Variants in ARHGAP19 observed in about 807,000 individuals in gnomAD.
ARHGAP19 encodes Rho GTPase activating protein 19.
In ARHGAP19, 48 loss-of-function variants were observed where a neutral mutation model predicts 60.9. That is an observed-to-expected ratio of 0.79 (90% confidence interval 0.62 to 1.00). The LOEUF is 1.00. ARHGAP19 is among the 50% of genes least tolerant of loss of function. The pLI is 0.00. For missense variants in ARHGAP19, 562 were observed against 597.2 expected (o/e 0.94, Z 0.61); for synonymous variants, 209 against 215.5 (o/e 0.97, Z 0.27).
chr10:97,238,025 C>G (rs1463331991), intron 8 of ARHGAP19, among the ~76,000 whole-genome samples: 2 of 151,970 alleles, frequency 1.3e-5, no homozygotes, highest in Non-Finnish European at 2.9e-5. Flanking sequence ...AAAACAGCCT[C>G]AGGCAAGTCT....
chr10:97,289,923 G>A (rs1328800793), intron 1 of ARHGAP19, among the ~76,000 whole-genome samples: 2 of 151,754 alleles, frequency 1.3e-5, no homozygotes, highest in Non-Finnish European at 2.9e-5. Flanking sequence ...AACTACTCTT[G>A]CTATGGAATA....
rs892863390 is a variant in ARHGAP19 at position 97,235,323 on chromosome 10, A to G, written c.1186-8T>C. 1.3e-6 allele frequency: 2 copies of G among 1,587,534 alleles called. No homozygotes were observed. The highest frequency in any genetic ancestry group is 2.7e-5 in the African/African-American group (2 of 74,304). On this transcript the variant is annotated splice_region_variant and splice_polypyrimidine_tract_variant and intron_variant, in intron 8 of 11. Coordinates refer to ENST00000358531, the MANE Select transcript of ARHGAP19 (RefSeq NM_032900.6). ...CAATGATTGCTTATTAAACTAAAAGAAAACATGGAGAACATTTTATAAATA... is the reference window on the plus strand; with the variant it reads ...CAATGATTGCTTATTAAACTAAAAGGAAACATGGAGAACATTTTATAAATA...
chr10:97,260,973 T>C (rs2134880658), intron 4 of ARHGAP19, among the ~76,000 whole-genome samples: 1 of 151,612 alleles, frequency 6.6e-6, no homozygotes, highest in Non-Finnish European at 1.5e-5. Context: ...CACATGCCTT[T>C]GATAATGCTA....
intron 9 of ARHGAP19, among the ~76,000 whole-genome samples, chr10:97,233,599 G>A (rs1310474470): frequency 6.6e-6 from 1 of 152,304 alleles, no homozygotes; most frequent in East Asian, 1.9e-4. Flanking sequence ...CGGGTGCAGT[G>A]GCTCATGCCT....
In ARHGAP19 at chr10:97,252,967, C is replaced by T. The variant is rs573505960; in HGVS notation, c.927+3351G>A. On this transcript the variant is annotated intron_variant, in intron 6 of 11. Transcript: ENST00000358531. ...GTATATACACAATGGAATACTATTCCGCCATAAAAAAAGAATGAAATCCTG... is the reference window on the plus strand; with the variant it reads ...GTATATACACAATGGAATACTATTCTGCCATAAAAAAAGAATGAAATCCTG... 2.7e-4 allele frequency among the ~76,000 whole-genome samples: 41 copies of T among 152,038 alleles called. 1 individual carries two copies. The highest frequency in any genetic ancestry group is 2.1e-3 in the South Asian group (10 of 4,812).
intron 4 of ARHGAP19, among the ~76,000 whole-genome samples, chr10:97,262,297 C>T (rs1842841096): frequency 6.6e-6 from 1 of 151,658 alleles, no homozygotes; most frequent in Non-Finnish European, 1.5e-5. Context: ...AAGGTTTTTA[C>T]TGTATATTAT....
chr10:97,227,375 G>A (rs992786846), intron 11 of ARHGAP19, among the ~76,000 whole-genome samples: 33 of 152,266 alleles, frequency 2.2e-4, no homozygotes, highest in Non-Finnish European at 4.1e-4. Context: ...ATCATACAGA[G>A]AGCAGAGCTG....
chr10:97,229,913 T>G, intron 9 of ARHGAP19, 39 bp from the exon 10 acceptor site: 1 of 1,393,896 alleles, frequency 7.2e-7, no homozygotes, highest in Admixed American at 1.8e-5. Flanking sequence ...TATAAACACC[T>G]ACTGCATCTA....
Position 97,259,502 on chromosome 10 carries a change from A to C in ARHGAP19, c.740T>G (p.Leu247Arg). The C allele has an allele frequency of 6.2e-7, 1 of 1,614,214 alleles. No individual in the cohort carries two copies. The highest frequency in any genetic ancestry group is 8.5e-7 in the Non-Finnish European group (1 of 1,180,030). ...CTTTGCTGTCTGGTATAGGAGATCA[A>C]GCAATAACTTCAGCAAATTACGATT... The part of the protein sequence containing the change: ...PPNRNLLKLL[L>R]DLLYQTAKKQ... Residue 247 changes from leucine (L) to arginine (R), a missense_variant, in exon 5 of 12, where the codon CTT (leucine) becomes CGT (arginine). Coordinates refer to ENST00000358531, the MANE Select transcript of ARHGAP19 (RefSeq NM_032900.6).
chr10:97,226,114 T>C lies in ARHGAP19; in HGVS notation c.*8A>G. 1 of 1,613,906 alleles carries C rather than the reference T, an allele frequency of 6.2e-7. No individual in the cohort carries two copies. On this transcript the variant is annotated 3_prime_UTR_variant, in exon 12 of 12. Transcript: ENST00000358531. ...CTGCATGGACCATAGGAGACAACTCTGGATCCTTCAGAGAAATCCTAGGTT... is the reference window on the plus strand; with the variant it reads ...CTGCATGGACCATAGGAGACAACTCCGGATCCTTCAGAGAAATCCTAGGTT...
intron 6 of ARHGAP19, among the ~76,000 whole-genome samples, chr10:97,251,267 AATGGG>A: frequency 3.5e-5 from 1 of 28,336 alleles, no homozygotes; most frequent in South Asian, 2.3e-3. Context: ...AGGGGAAGGG[AATGGG>A]AAGGGAAGGG....
rs185402825 is a variant in ARHGAP19, at chr10:97,290,973, A to C, written c.56+1599T>G. On this transcript the variant is annotated intron_variant, in intron 1 of 11. Transcript: ENST00000358531. ...AGGACTAGCTGGATTTCCTAGGCCAACTAAGAATCCCTGAGCCTAGCTGGG... is the reference window on the plus strand; with the variant it reads ...AGGACTAGCTGGATTTCCTAGGCCACCTAAGAATCCCTGAGCCTAGCTGGG... Among the ~76,000 whole-genome samples the C allele has an allele frequency of 1.3e-3, 205 of 152,234 alleles. 1 individual carries two copies. Among genetic ancestry groups the C allele is most frequent in the African/African-American group, 4.7e-3 (197 of 41,544 alleles).
rs367997995 is a variant in ARHGAP19 at position 97,237,263 on chromosome 10, C to CAAA, written c.1186-1951_1186-1949dup. Among the ~76,000 whole-genome samples the CAAA allele has an allele frequency of 2.3e-3, 273 of 118,950 alleles. 2 individuals carry two copies. The highest frequency in any genetic ancestry group is 7.5e-3 in the African/African-American group (229 of 30,454). 78.0% of individuals were successfully genotyped at this position (118,950 alleles called of 152,430 possible). A position where few individuals can be genotyped will look rare whatever the true frequency, so the allele number is the denominator to read the frequency against. On this transcript the variant is annotated intron_variant, in intron 8 of 11. Coordinates refer to ENST00000358531, the MANE Select transcript of ARHGAP19 (RefSeq NM_032900.6). ...TAGGCAACAGAGCTAGACCTTGTCT[C>CAAA]AAAAAAAAAAAAAAAAAAACTCAGT...
At chr10:97,232,983 A>G (rs987089274) in intron 9 of ARHGAP19, among the ~76,000 whole-genome samples, 10 of 152,030 alleles carry the variant, frequency 6.6e-5, no homozygotes, top group Non-Finnish European at 1.5e-4. Flanking sequence ...CCCCATCTCT[A>G]CTAAAAATAC....
chr10:97,264,450 C>A, intron 3 of ARHGAP19, among the ~76,000 whole-genome samples: 1 of 28,722 alleles, frequency 3.5e-5, no homozygotes. Flanking sequence ...GAGACCTTGT[C>A]TCAAAAAAAA....
intron 6 of ARHGAP19, among the ~76,000 whole-genome samples, chr10:97,254,160 G>A (rs985138006): frequency 3.3e-5 from 5 of 152,076 alleles, no homozygotes; most frequent in African/African-American, 1.2e-4. Flanking sequence ...GTTTTTTGCA[G>A]CAAAGATAGA....
chr10:97,244,274 C>CTCAG (rs1842531541), intron 7 of ARHGAP19, 115 bp from the exon 8 acceptor site: 1 of 731,770 alleles, frequency 1.4e-6, no homozygotes, highest in Non-Finnish European at 2.2e-6. Context: ...TACTCCTATA[C>CTCAG]TCAGGAACAA....
At chr10:97,258,986 T>C (rs1842792069) in intron 5 of ARHGAP19, among the ~76,000 whole-genome samples, 1 of 152,232 alleles carries the variant, frequency 6.6e-6, no homozygotes, top group Non-Finnish European at 1.5e-5. Context: ...ATCTCATCTA[T>C]AAATCCATAA....
rs563404814 is a variant in ARHGAP19 at position 97,256,989 on chromosome 10, C to T, written c.841-585G>A. Among the ~76,000 whole-genome samples, 163 of 152,132 alleles carry T rather than the reference C, an allele frequency of 1.1e-3. 1 individual carries two copies. The South Asian group carries it at 0.022, about 21-fold the overall frequency. ...ACAAAAAATTAGCCGGGCGTGGTGGCGGGCGCCTGTAGTCCCAGCTACTCG... is the reference window on the plus strand; with the variant it reads ...ACAAAAAATTAGCCGGGCGTGGTGGTGGGCGCCTGTAGTCCCAGCTACTCG... On this transcript the variant is annotated intron_variant, in intron 5 of 11. Transcript: ENST00000358531.
Sources: gnomAD v4.1 joint callset for allele counts (sites outside exome capture counted in the v4.1 genomes callset) on GRCh38, gnomAD v4.1.1 for gene constraint, MANE v1.5 for transcripts, NCBI Gene and HGNC (gene_info 2026-07-23, HGNC 2026-07-21) for gene names.